The following ELAVL3 variants were observed in gnomAD, a reference collection of about 807,000 sequenced individuals.
ELAVL3 encodes the protein ELAV like RNA binding protein 3.
ELAVL3 carries 8 observed loss-of-function variants against 34.2 expected under a neutral mutation model. The observed-to-expected ratio is 0.23, with a 90% confidence interval of 0.14 to 0.42. The LOEUF is 0.42. Ranked by LOEUF, ELAVL3 falls within the 10% of genes least tolerant of loss-of-function variation. ELAVL3 has a pLI of 1.00. For synonymous variants in ELAVL3, 209 were observed against 222.1 expected (o/e 0.94, Z 0.53); for missense variants, 273 against 518.8 (o/e 0.53, Z 4.60).
At chr19:11,463,622 G>A (rs1489090591) in intron 3 of ELAVL3, among the ~76,000 whole-genome samples, 1 of 152,056 alleles carries the variant, frequency 6.6e-6, no homozygotes. Flanking sequence ...CATCCCTGAG[G>A]CCCCATCAGG....
chr19:11,464,118 T>C (rs1195569083), intron 3 of ELAVL3, among the ~76,000 whole-genome samples: 2 of 126,406 alleles, frequency 1.6e-5, no homozygotes, highest in Non-Finnish European at 3.1e-5. Context: ...TCTCTGTCTC[T>C]CTCTGTCTCT....
At chr19:11,462,853 A>G (rs892299907) in intron 3 of ELAVL3, among the ~76,000 whole-genome samples, 1 of 149,242 alleles carries the variant, frequency 6.7e-6, no homozygotes, top group Non-Finnish European at 1.5e-5. Flanking sequence ...TCCCAGCTAC[A>G]CGGGAGGCTG....
At chr19:11,467,148 C>T (rs569429830) in intron 1 of ELAVL3, among the ~76,000 whole-genome samples, 3 of 152,282 alleles carry the variant, frequency 2.0e-5, no homozygotes, top group Admixed American at 6.5e-5. Flanking sequence ...TCACGTCGGG[C>T]GCAGTGGCTC....
chr19:11,464,950 A>C (rs1292891289), intron 3 of ELAVL3, among the ~76,000 whole-genome samples: 1 of 130,228 alleles, frequency 7.7e-6, no homozygotes, highest in African/African-American at 3.1e-5. Context: ...CACCACACAC[A>C]CCACACACAC....
chr19:11,473,801 G>A (rs1051232901), intron 1 of ELAVL3, among the ~76,000 whole-genome samples: 4 of 152,194 alleles, frequency 2.6e-5, no homozygotes, highest in East Asian at 3.8e-4. Context: ...AACAGTGCCA[G>A]CTCTAACATT....
In ELAVL3 at chr19:11,454,270, C is replaced by G. The variant is rs991839091; in HGVS notation, c.*256G>C. The G allele has an allele frequency of 4.1e-6, 2 of 486,728 alleles. No homozygotes were observed. Among genetic ancestry groups the G allele is most frequent in the South Asian group, 3.7e-5 (1 of 27,142 alleles). The allele number at this position is 486,728 out of a possible 1,614,324, so 30.2% of individuals were successfully genotyped here. A position where few individuals can be genotyped will look rare whatever the true frequency, so the allele number is the denominator to read the frequency against. On this transcript the variant is annotated 3_prime_UTR_variant, in exon 7 of 7. Transcript: ENST00000359227. The surrounding 1 kb of genome is among the most constrained non-coding windows in gnomAD (Gnocchi z 9.2). ...ACCTTCACCATGAACCAAACCAAGACGAGAGAGTGAACAGCCCAGCCTGGG... is the reference window on the plus strand; with the variant it reads ...ACCTTCACCATGAACCAAACCAAGAGGAGAGAGTGAACAGCCCAGCCTGGG...
chr19:11,464,146 TCTCTC>T, intron 3 of ELAVL3, among the ~76,000 whole-genome samples: 1 of 107,044 alleles, frequency 9.3e-6, no homozygotes, highest in African/African-American at 5.2e-5. Flanking sequence ...TCTCTCTCTC[TCTCTC>T]TATATATATA....
intron 1 of ELAVL3, among the ~76,000 whole-genome samples, chr19:11,479,084 C>T (rs1194234979): frequency 1.3e-5 from 2 of 152,092 alleles, no homozygotes; most frequent in Non-Finnish European, 2.9e-5. Flanking sequence ...CTGACCACAC[C>T]CTCTTTCCCT....
intron 6 of ELAVL3, among the ~76,000 whole-genome samples, chr19:11,456,105 CTTTT>C (rs58496214): frequency 6.8e-6 from 1 of 146,556 alleles, no homozygotes; most frequent in African/African-American, 2.5e-5. Flanking sequence ...GTCACCCCTT[CTTTT>C]TTTTTTTTCT....
At chr19:11,457,943 TG>T in intron 5 of ELAVL3, 117 bp downstream of exon 5, 1 of 1,077,372 alleles carries the variant, frequency 9.3e-7, no homozygotes, top group Non-Finnish European at 1.3e-6. Context: ...ATAGGCTCCT[TG>T]GCTCCCATGT....
Position 11,454,786 on chromosome 19 carries a change from C to T in ELAVL3, c.844G>A (p.Ala282Thr), listed in dbSNP as rs757854568. Residue 282 changes from alanine to threonine, a missense_variant, in exon 7 of 7, where the codon GCC (alanine) becomes ACC (threonine). Physicochemically the swap from Ala to Thr is moderately conservative, Grantham distance 58 (BLOSUM62 0). Coordinates refer to ENST00000359227, the MANE Select transcript of ELAVL3 (RefSeq NM_001420.4). This position sits in a 1 kb window ranked among gnomAD's most constrained non-coding sequence, Gnocchi z 9.2. ...TTGTACACGAAGATGCACCAGCCGG[C>T]GCCCGCCGCGCCCCCCGACAGGCCC... ...GVGLSGGAAG[A>T]GWCIFVYNLS... The T allele has an allele frequency of 1.4e-5, 23 of 1,612,244 alleles. No individual in the cohort carries two copies. Among genetic ancestry groups the T allele is most frequent in the Admixed American group, 1.0e-4 (6 of 59,982 alleles).
rs1970784412 is a variant in ELAVL3 at position 11,457,133 on chromosome 19, G to A, written c.729C>T (p.Leu243=). The change falls in exon 6 of 7, where the codon CTC becomes CTT. Residue 243 remains leucine, a synonymous_variant. Transcript: ENST00000359227. ...QTQRFRLDNL[L]NMAYGVKSPL... ...ACCTCTTGACGCCGTAGGCCATGTT[G>A]AGCAAATTGTCCAGCCTGTGGAGGC... is the stretch of plus-strand genomic sequence containing the variant. 6.5e-7 allele frequency: 1 copy of A among 1,548,324 alleles called. No homozygotes were observed. The highest frequency in any genetic ancestry group is 1.8e-4 in the Middle Eastern group (1 of 5,484).
Position 11,466,544 on chromosome 19 carries a change from C to G in ELAVL3, c.229+64G>C. 2.5e-6 allele frequency: 4 copies of G among 1,573,850 alleles called. No individual in the cohort carries two copies. Among genetic ancestry groups the G allele is most frequent in the Non-Finnish European group, 3.5e-6 (4 of 1,148,924 alleles). On this transcript the variant is annotated intron_variant, in intron 2 of 6. Coordinates refer to ENST00000359227, the MANE Select transcript of ELAVL3 (RefSeq NM_001420.4). The surrounding 1 kb of genome is among the most constrained non-coding windows in gnomAD (Gnocchi z 5.0). ...CACCTCAGCAAGGGTCCCACCTGCC[C>G]CCATCACCTCTGTATTTCTGAGGCT...
intron 1 of ELAVL3, among the ~76,000 whole-genome samples, chr19:11,479,557 G>T (rs534326614): frequency 6.6e-6 from 1 of 152,002 alleles, no homozygotes; most frequent in African/African-American, 2.4e-5. Context: ...GAGCCGGGGT[G>T]GGGCTATAAC....
chr19:11,460,030 A>G (rs780729654), intron 3 of ELAVL3, among the ~76,000 whole-genome samples: 16 of 152,048 alleles, frequency 1.1e-4, no homozygotes, highest in Non-Finnish European at 1.9e-4. Flanking sequence ...AACTGCATCC[A>G]GGTGCCCCAC....
chr19:11,479,282 G>A (rs529891702), intron 1 of ELAVL3, among the ~76,000 whole-genome samples: 7 of 152,236 alleles, frequency 4.6e-5, no homozygotes, highest in Admixed American at 2.6e-4. Flanking sequence ...CCAGGCCTCC[G>A]GGACCTCATT....
chr19:11,460,894 G>C (rs1396417858), intron 3 of ELAVL3, among the ~76,000 whole-genome samples: 1 of 151,742 alleles, frequency 6.6e-6, no homozygotes, highest in Non-Finnish European at 1.5e-5. Flanking sequence ...GCTCATGGCT[G>C]TAATCCCAGT....
At chr19:11,457,822 G>GCTGGAA (rs1970801768) in intron 5 of ELAVL3, among the ~76,000 whole-genome samples, 1 of 152,270 alleles carries the variant, frequency 6.6e-6, no homozygotes, top group African/African-American at 2.4e-5. Flanking sequence ...GGCCACCAGA[G>GCTGGAA]CTGGAACCCA....
intron 3 of ELAVL3, among the ~76,000 whole-genome samples, chr19:11,459,422 C>T (rs993452197): frequency 4.6e-5 from 7 of 151,930 alleles, no homozygotes; most frequent in Non-Finnish European, 8.8e-5. Context: ...CGTGAGCCAC[C>T]GCGCCTTACC....
Sources: gnomAD v4.1 joint callset for allele counts (sites outside exome capture counted in the v4.1 genomes callset) on GRCh38, gnomAD v4.1.1 for gene constraint, Gnocchi (gnomAD v3.1) non-coding constraint, MANE v1.5 for transcripts, NCBI Gene and HGNC (gene_info 2026-07-23, HGNC 2026-07-21) for gene names.